ATG5: variants seen among roughly 807,000 people sequenced by gnomAD.
ATG5 encodes the protein autophagy protein 5.
Under a neutral mutation model 36.5 loss-of-function variants are expected in ATG5, and 14 were observed. The ratio of observed to expected loss-of-function variants is 0.38; its 90% CI spans 0.25 to 0.60. The LOEUF is 0.60. Ranked by LOEUF, ATG5 falls within the 20% of genes least tolerant of loss-of-function variation. ATG5 has a pLI of 0.60. For missense variants in ATG5, 195 were observed against 326.7 expected (o/e 0.60, Z 3.11); for synonymous variants, 95 against 101.5 (o/e 0.94, Z 0.38).
chr6:106,260,702 G>A (rs1351555717), intron 5 of ATG5, among the ~76,000 whole-genome samples: 2 of 152,162 alleles, frequency 1.3e-5, no homozygotes, highest in African/African-American at 2.4e-5. Context: ...GATTCTGAAC[G>A]TTACATAGCT....
intron 6 of ATG5, among the ~76,000 whole-genome samples, chr6:106,220,144 T>C (rs749657252): frequency 1.4e-4 from 21 of 152,190 alleles, no homozygotes; most frequent in Non-Finnish European, 2.6e-4. Context: ...AGATTATATT[T>C]CTAAGCTGAG....
At chr6:106,198,788 G>C (rs377165342) in intron 7 of ATG5, among the ~76,000 whole-genome samples, 1 of 130,882 alleles carries the variant, frequency 7.6e-6, no homozygotes, top group Non-Finnish European at 1.6e-5. Flanking sequence ...AAAAAAAAAA[G>C]AGAGAGAGTG....
At chr6:106,296,525 A>C (rs1313006278) in intron 3 of ATG5, among the ~76,000 whole-genome samples, 1 of 152,196 alleles carries the variant, frequency 6.6e-6, no homozygotes, top group African/African-American at 2.4e-5. Context: ...AAAGTGTAAA[A>C]TAAGCATGCA....
chr6:106,309,226 T>C (rs1770558261), intron 2 of ATG5, among the ~76,000 whole-genome samples: 1 of 152,210 alleles, frequency 6.6e-6, no homozygotes, highest in Admixed American at 6.5e-5. Flanking sequence ...TTTGGCTGCT[T>C]TTATAACCGC....
intron 6 of ATG5, among the ~76,000 whole-genome samples, chr6:106,219,276 A>G (rs901997451): frequency 2.0e-5 from 3 of 152,168 alleles, no homozygotes; most frequent in Non-Finnish European, 4.4e-5. Context: ...TGTCATTTCT[A>G]TTTGCAAATG....
At position 106,186,502 on chromosome 6, in the gene ATG5, A is replaced by G; in HGVS notation, c.*38T>C. The stretch of plus-strand genomic sequence containing the variant: ...AGGGTGACATGCTCTGATAAATCCC[A>G]TTTAAGGATGATTCTGTTCAGGCAA... On this transcript the variant is annotated 3_prime_UTR_variant, in exon 8 of 8. Transcript: ENST00000369076. 1 of 1,608,550 alleles carries G rather than the reference A, an allele frequency of 6.2e-7. No homozygotes were observed. Among genetic ancestry groups the G allele is most frequent in the Non-Finnish European group, 8.5e-7 (1 of 1,175,620 alleles).
chr6:106,252,151 A>C (rs1778618950), intron 5 of ATG5, among the ~76,000 whole-genome samples: 1 of 152,182 alleles, frequency 6.6e-6, no homozygotes, highest in East Asian at 1.9e-4. Context: ...AACAAAACAA[A>C]GACTAAGTAG....
At chr6:106,302,836 G>A (rs757031848) in intron 3 of ATG5, among the ~76,000 whole-genome samples, 15 of 151,672 alleles carry the variant, frequency 9.9e-5, no homozygotes, top group Non-Finnish European at 1.8e-4. Context: ...AAAATACACA[G>A]ACCCGAATGA....
intron 6 of ATG5, among the ~76,000 whole-genome samples, chr6:106,215,516 G>T (rs1383846102): frequency 1.3e-5 from 2 of 151,764 alleles, no homozygotes; most frequent in Non-Finnish European, 2.9e-5. Flanking sequence ...GAAATTTTTA[G>T]AAGTAGCAAA....
chr6:106,292,980 T>G lies in ATG5; in HGVS notation c.315+48A>C, dbSNP rs773296944. ...AAAGAAAATTCTACTCGAAGTCTAT[T>G]TATTATGTATCACAAATGGGACGAA... On this transcript the variant is annotated intron_variant, in intron 4 of 7. Transcript: ENST00000369076. 3.4e-6 allele frequency: 5 copies of G among 1,455,900 alleles called. No individual in the cohort carries two copies. In the Admixed American group the frequency reaches 5.5e-5, roughly 16 times the overall value. The allele number at this position is 1,455,900 out of a possible 1,614,324, so 90.2% of individuals were successfully genotyped here. A position where few individuals can be genotyped will look rare whatever the true frequency, so the allele number is the denominator to read the frequency against.
At chr6:106,202,164 A>G in intron 6 of ATG5, 75 bp from the exon 7 acceptor site, 6 of 1,170,062 alleles carry the variant, frequency 5.1e-6, no homozygotes, top group South Asian at 1.3e-5. Context: ...TATATCATAA[A>G]CTTTATGTTG....
intron 2 of ATG5, among the ~76,000 whole-genome samples, chr6:106,315,091 G>T (rs1447628521): frequency 6.6e-6 from 1 of 152,138 alleles, no homozygotes; most frequent in East Asian, 1.9e-4. Context: ...CAAAAAAACA[G>T]TCCTATACCC....
rs544730588 is a variant in ATG5 at position 106,225,615 on chromosome 6, C to T, written c.573+22535G>A. On this transcript the variant is annotated intron_variant, in intron 6 of 7. Coordinates refer to ENST00000369076, the MANE Select transcript of ATG5 (RefSeq NM_004849.4). ...TAGCAGAGTGAGGACCCTGAATATA[C>T]TCTCCTCCATAAAAGCAACAAGAAC... Among the ~76,000 whole-genome samples the T allele has an allele frequency of 1.1e-4, 17 of 152,222 alleles. No homozygotes were observed. In the East Asian group the frequency reaches 3.1e-3, roughly 28 times the overall value.
chr6:106,241,809 C>T (rs981564852), intron 6 of ATG5, among the ~76,000 whole-genome samples: 9 of 152,088 alleles, frequency 5.9e-5, no homozygotes, highest in Admixed American at 4.6e-4. Flanking sequence ...ACAGCCCATC[C>T]CATCACCCTG....
intron 6 of ATG5, among the ~76,000 whole-genome samples, chr6:106,247,460 T>C (rs1778385720): frequency 6.6e-6 from 1 of 152,228 alleles, no homozygotes; most frequent in Non-Finnish European, 1.5e-5. Context: ...GGTACAACAC[T>C]GAAGACTCAC....
chr6:106,219,025 AAAGAG>A (rs1422170135), intron 6 of ATG5, among the ~76,000 whole-genome samples: 2 of 152,110 alleles, frequency 1.3e-5, no homozygotes, highest in Non-Finnish European at 1.5e-5. Context: ...GAAGGAAAGA[AAAGAG>A]AAAAGGAGGA....
chr6:106,216,619 T>C (rs1388002436), intron 6 of ATG5, among the ~76,000 whole-genome samples: 1 of 152,206 alleles, frequency 6.6e-6, no homozygotes, highest in Non-Finnish European at 1.5e-5. Context: ...ATGGGGTTTC[T>C]TTTTAGGGTG....
chr6:106,308,218 A>T, intron 3 of ATG5, 146 bp downstream of exon 3: 1 of 555,378 alleles, frequency 1.8e-6, no homozygotes, highest in Non-Finnish European at 2.7e-6. Context: ...AACGTATTCT[A>T]GTAATAGTCT....
intron 2 of ATG5, among the ~76,000 whole-genome samples, chr6:106,313,251 G>C (rs1339485072): frequency 6.6e-6 from 1 of 152,176 alleles, no homozygotes; most frequent in East Asian, 1.9e-4. Context: ...AGAAAGTTAA[G>C]GGAGGTCCTA....
Sources: allele counts gnomAD v4.1 joint callset (sites outside exome capture counted in the v4.1 genomes callset), GRCh38; gene constraint gnomAD v4.1.1; transcripts MANE v1.5; gene names NCBI Gene and HGNC (gene_info 2026-07-23, HGNC 2026-07-21).